Variants in SNX29 observed in about 807,000 individuals in gnomAD.
SNX29 encodes the protein sorting nexin-29.
In SNX29, 78 loss-of-function variants were observed where a neutral mutation model predicts 102.1. The ratio of observed to expected loss-of-function variants is 0.76; its 90% CI spans 0.64 to 0.92. The LOEUF is 0.92. Among genes scored for constraint, SNX29 ranks in the 40% least tolerant of loss-of-function variants. The probability of loss-of-function intolerance (pLI) is 0.00; values close to 1 mark genes in which losing one functional copy is unlikely to be tolerated. For missense variants in SNX29, 1,280 were observed against 1,061.7 expected (o/e 1.21, Z -2.86); for synonymous variants, 580 against 414.5 (o/e 1.40, Z -4.85).
chr16:12,502,066 G>A (rs2089151474), intron 19 of SNX29, among the ~76,000 whole-genome samples: 1 of 152,166 alleles, frequency 6.6e-6, no homozygotes, highest in South Asian at 2.1e-4. Context: ...TGAGAACATG[G>A]GACCTGCTTA....
chr16:12,380,945 CCATCCACCCATCCATCAATTT>C (rs1409004486), intron 16 of SNX29, among the ~76,000 whole-genome samples: 1 of 47,006 alleles, frequency 2.1e-5, no homozygotes, highest in Non-Finnish European at 3.6e-5. Context: ...CACCATCCAT[CCATCCACCCATCCATCAATTT>C]CATCCACCCA....
intron 15 of SNX29, among the ~76,000 whole-genome samples, chr16:12,322,262 C>T (rs1399045787): frequency 6.6e-6 from 1 of 152,242 alleles, no homozygotes; most frequent in East Asian, 1.9e-4. Flanking sequence ...CTGTGTTCCA[C>T]GCTGGAGCTG....
At chr16:12,287,000 A>T (rs2079619092) in intron 15 of SNX29, among the ~76,000 whole-genome samples, 1 of 152,056 alleles carries the variant, frequency 6.6e-6, no homozygotes, top group African/African-American at 2.4e-5. Flanking sequence ...CAGGGAGAGG[A>T]GCTTCTTTAA....
At chr16:12,212,764 A>G (rs1054909106) in intron 14 of SNX29, among the ~76,000 whole-genome samples, 10 of 152,324 alleles carry the variant, frequency 6.6e-5, no homozygotes, top group Admixed American at 6.5e-4. Context: ...GTACTTTGCA[A>G]ATACTTTCTT....
At chr16:12,258,786 C>G (rs973654094) in intron 14 of SNX29, among the ~76,000 whole-genome samples, 1 of 152,118 alleles carries the variant, frequency 6.6e-6, no homozygotes, top group Non-Finnish European at 1.5e-5. Context: ...GTTCCTGAAT[C>G]AGACGTCTCC....
intron 20 of SNX29, among the ~76,000 whole-genome samples, chr16:12,556,179 A>C (rs1211065255): frequency 6.6e-6 from 1 of 152,190 alleles, no homozygotes; most frequent in East Asian, 1.9e-4. Context: ...GACACATCCC[A>C]GATGTTGCTG....
intron 14 of SNX29, among the ~76,000 whole-genome samples, chr16:12,211,187 G>T (rs1471456295): frequency 6.6e-6 from 1 of 152,170 alleles, no homozygotes; most frequent in Non-Finnish European, 1.5e-5. Context: ...TTGAGTACCA[G>T]GCACAGTTCT....
intron 20 of SNX29, among the ~76,000 whole-genome samples, chr16:12,547,261 G>A (rs2077664596): frequency 1.3e-5 from 2 of 152,204 alleles, no homozygotes; most frequent in South Asian, 4.1e-4. Flanking sequence ...CAAAGGTCCT[G>A]CAGCCTTGAA....
chr16:12,088,146 A>C lies in SNX29; in HGVS notation c.1402+9231A>C, dbSNP rs1454799164. On this transcript the variant is annotated intron_variant, in intron 11 of 20. Transcript: ENST00000566228. ...TGCAGGGCACCAGCTCAGTCTCTGC[A>C]GCAGGCCTCACAGTGTCACTGTTTG... 4 of 456,454 alleles carry C rather than the reference A, an allele frequency of 8.8e-6. No individual in the cohort carries two copies. In the East Asian group the frequency reaches 2.8e-4, roughly 32 times the overall value. 28.3% of individuals were successfully genotyped at this position (456,454 alleles called of 1,614,324 possible). A position where few individuals can be genotyped will look rare whatever the true frequency, so the allele number is the denominator to read the frequency against.
At chr16:12,248,658 C>T (rs532338085) in intron 14 of SNX29, among the ~76,000 whole-genome samples, 11 of 152,038 alleles carry the variant, frequency 7.2e-5, no homozygotes, top group South Asian at 4.2e-4. Flanking sequence ...TCAAGTGATC[C>T]GCCTCCCTCT....
intron 18 of SNX29, among the ~76,000 whole-genome samples, chr16:12,463,632 A>G (rs571549764): frequency 6.6e-6 from 1 of 152,308 alleles, no homozygotes; most frequent in South Asian, 2.1e-4. Flanking sequence ...TCAAGATGAG[A>G]TTTGGGTGGG....
rs146110112 is a variant in SNX29 at position 12,010,201 on chromosome 16, T to C, written c.122+7158T>C. On this transcript the variant is annotated intron_variant, in intron 3 of 20. Coordinates refer to ENST00000566228, the MANE Select transcript of SNX29 (RefSeq NM_032167.5). Reference sequence around the variant, plus strand: ...TTCCAGTAATTGTTAGCTGTTGTGATTTTCATTATAAGGATATGTAAGGTG... The same window carrying C: ...TTCCAGTAATTGTTAGCTGTTGTGACTTTCATTATAAGGATATGTAAGGTG... 4.7e-3 allele frequency among the ~76,000 whole-genome samples: 714 copies of C among 152,310 alleles called. 2 individuals carry two copies. The highest frequency in any genetic ancestry group is 7.8e-3 in the Non-Finnish European group (528 of 68,032).
chr16:12,307,061 C>T (rs748324207), intron 15 of SNX29, among the ~76,000 whole-genome samples: 1 of 151,684 alleles, frequency 6.6e-6, no homozygotes, highest in Non-Finnish European at 1.5e-5. Flanking sequence ...TGAATTGGGC[C>T]CCTCTCCTCT....
At chr16:12,095,664 A>T (rs893951626) in intron 11 of SNX29, among the ~76,000 whole-genome samples, 2 of 152,206 alleles carry the variant, frequency 1.3e-5, no homozygotes, top group Non-Finnish European at 2.9e-5. Flanking sequence ...GATATAATTG[A>T]TTAGCTGTGG....
rs3803605 is a variant in SNX29 at position 12,572,051 on chromosome 16, A to T, written c.*3422A>T. 1.9e-6 allele frequency: 2 copies of T among 1,062,498 alleles called. No homozygotes were observed. Among genetic ancestry groups the T allele is most frequent in the Admixed American group, 1.1e-4 (2 of 18,658 alleles). 65.8% of individuals were successfully genotyped at this position (1,062,498 alleles called of 1,614,324 possible). On this transcript the variant is annotated 3_prime_UTR_variant, in exon 21 of 21. Transcript: ENST00000566228. Reference sequence around the variant, plus strand: ...GGGATCATCCAGTGGAGTTGTAAACAAGGGAACCATCTTGCAAGATCTAGG... The same window carrying T: ...GGGATCATCCAGTGGAGTTGTAAACTAGGGAACCATCTTGCAAGATCTAGG...
intron 15 of SNX29, among the ~76,000 whole-genome samples, chr16:12,354,961 C>A (rs945478930): frequency 6.6e-6 from 1 of 152,168 alleles, no homozygotes; most frequent in Non-Finnish European, 1.5e-5. Context: ...GGTTTGAAAG[C>A]GTCTGTACCT....
rs146851461 is a variant in SNX29 at position 12,118,626 on chromosome 16, C to G, written c.1403-8007C>G. 5.3e-3 allele frequency among the ~76,000 whole-genome samples: 799 copies of G among 152,110 alleles called. 9 individuals carry two copies. Among genetic ancestry groups the G allele is most frequent in the African/African-American group, 0.018 (764 of 41,482 alleles). ...CCACCGTGCCCGCCCTAGAGACCAC[C>G]TTTTGATGCCTTGATATGAAATGAG... On this transcript the variant is annotated intron_variant, in intron 11 of 20. Transcript: ENST00000566228.
At chr16:12,406,112 TAAAAG>T (rs1295067102) in intron 18 of SNX29, among the ~76,000 whole-genome samples, 1 of 151,182 alleles carries the variant, frequency 6.6e-6, no homozygotes, top group Non-Finnish European at 1.5e-5. Flanking sequence ...AAAAGAATGA[TAAAAG>T]AGAGGTTAAA....
Position 12,078,944 on chromosome 16 carries a change from G to T in SNX29, c.1402+29G>T, listed in dbSNP as rs1009767344. On this transcript the variant is annotated intron_variant, in intron 11 of 20. Transcript: ENST00000566228. ...AGTACTTTCGCAGCCCCCTCCACCA[G>T]CTCTGGGATGACTTCTGGCCCACGT... is the stretch of plus-strand genomic sequence containing the variant. 5 of 1,560,956 alleles carry T rather than the reference G, an allele frequency of 3.2e-6. No individual in the cohort carries two copies. In the African/African-American group the frequency reaches 5.4e-5, roughly 17 times the overall value.
Sources: allele counts gnomAD v4.1 joint callset (sites outside exome capture counted in the v4.1 genomes callset), GRCh38; gene constraint gnomAD v4.1.1; transcripts MANE v1.5; gene names NCBI Gene and HGNC (gene_info 2026-07-23, HGNC 2026-07-21).